ANKRD11: variants seen among roughly 807,000 people sequenced by gnomAD.
The protein encoded by ANKRD11 is ankyrin repeat domain 11.
Under a neutral mutation model 195.7 loss-of-function variants are expected in ANKRD11, and 17 were observed. The observed-to-expected ratio is 0.09, with a 90% CI of 0.06 to 0.13. The LOEUF (loss-of-function observed/expected upper bound fraction) is 0.13, where lower values mean the gene tolerates loss of function less well. Among genes scored for constraint, ANKRD11 ranks in the 10% least tolerant of loss-of-function variants. ANKRD11 has a pLI of 1.00. For missense variants in ANKRD11, 3,735 were observed against 3,566.1 expected (o/e 1.05, Z -1.21); for synonymous variants, 1,953 against 1,528.1 (o/e 1.28, Z -6.49).
Position 89,285,943 on chromosome 16 carries a change from G to A in ANKRD11, c.892+96C>T. 6.3e-7 allele frequency: 1 copy of A among 1,587,964 alleles called. No individual in the cohort carries two copies. The highest frequency in any genetic ancestry group is 8.6e-7 in the Non-Finnish European group (1 of 1,161,392). On this transcript the variant is annotated intron_variant, in intron 8 of 12. Transcript: ENST00000301030. This position sits in a 1 kb window ranked among gnomAD's most constrained non-coding sequence, Gnocchi z 5.6. ...CCTGTAAGCCCCCAGCATCCGAGGAGGAGCTGATCAGAGGGGCAACACTGT... is the reference window on the plus strand; with the variant it reads ...CCTGTAAGCCCCCAGCATCCGAGGAAGAGCTGATCAGAGGGGCAACACTGT...
chr16:89,311,045 G>A (rs1162431459), intron 3 of ANKRD11, among the ~76,000 whole-genome samples: 1 of 152,242 alleles, frequency 6.6e-6, no homozygotes, highest in African/African-American at 2.4e-5. Flanking sequence ...GATGCTCTCT[G>A]TCAGGTTGAG....
rs1254840125 is a variant in ANKRD11, at chr16:89,281,021, C to G, written c.5521G>C (p.Glu1841Gln). Reference sequence around the variant, plus strand: ...CCTGGCGACAAGCAGGCAAACTTCTCCGCGGGAACCGGGGGCAGGGGCGCC... The same window carrying G: ...CCTGGCGACAAGCAGGCAAACTTCTGCGCGGGAACCGGGGGCAGGGGCGCC... ...DRAPLPPVPA[E>Q]KFACLSPGYY... Residue 1841 changes from glutamate to glutamine, a missense_variant, in exon 9 of 13, where the codon GAG (glutamate) becomes CAG (glutamine). Coordinates refer to ENST00000301030, the MANE Select transcript of ANKRD11 (RefSeq NM_013275.6). The surrounding 1 kb of genome is among the most constrained non-coding windows in gnomAD (Gnocchi z 5.5). 2 of 1,591,506 alleles carry G rather than the reference C, an allele frequency of 1.3e-6. No homozygotes were observed. The highest frequency in any genetic ancestry group is 2.7e-5 in the African/African-American group (2 of 74,136).
intron 1 of ANKRD11, among the ~76,000 whole-genome samples, chr16:89,466,154 AC>A (rs2056875898): frequency 3.3e-5 from 5 of 152,168 alleles, no homozygotes; most frequent in Admixed American, 2.6e-4. Flanking sequence ...CACCAGGTAA[AC>A]ACCAGAGCGC....
chr16:89,414,560 G>C (rs1371865558), intron 2 of ANKRD11, among the ~76,000 whole-genome samples: 1 of 152,224 alleles, frequency 6.6e-6, no homozygotes, highest in African/African-American at 2.4e-5. Context: ...TTTTGTTTCT[G>C]TAAAGTGTTA....
At chr16:89,426,473 G>A (rs1158306960) in intron 1 of ANKRD11, among the ~76,000 whole-genome samples, 1 of 149,828 alleles carries the variant, frequency 6.7e-6, no homozygotes, top group African/African-American at 2.5e-5. Flanking sequence ...TCCCTGCGTG[G>A]CTTCACTAAA....
chr16:89,406,428 AG>A (rs1219708157), intron 2 of ANKRD11, among the ~76,000 whole-genome samples: 1 of 152,194 alleles, frequency 6.6e-6, no homozygotes, highest in Non-Finnish European at 1.5e-5. Flanking sequence ...TCAGTCCTAG[AG>A]GAGAAGCAGC....
At chr16:89,301,960 G>A (rs917180534) in intron 4 of ANKRD11, among the ~76,000 whole-genome samples, 5 of 152,260 alleles carry the variant, frequency 3.3e-5, no homozygotes, top group Admixed American at 6.5e-5. Flanking sequence ...CAAGGCATCC[G>A]GCACGGTGGT....
At position 89,288,689 on chromosome 16, in the gene ANKRD11, G is replaced by C; in HGVS notation, c.602-19C>G. ...GTCCAGCCTGGAAACAGACACTCAG[G>C]ACGTACGTTATTTAATCCTCAGAAC... On this transcript the variant is annotated intron_variant, in intron 6 of 12. Transcript: ENST00000301030. The C allele has an allele frequency of 6.2e-7, 1 of 1,613,936 alleles. No homozygotes were observed. Among genetic ancestry groups the C allele is most frequent in the Non-Finnish European group, 8.5e-7 (1 of 1,180,028 alleles).
At chr16:89,456,802 G>A (rs1018171445) in intron 1 of ANKRD11, among the ~76,000 whole-genome samples, 1 of 152,164 alleles carries the variant, frequency 6.6e-6, no homozygotes, top group African/African-American at 2.4e-5. Flanking sequence ...AGTGGCTGAA[G>A]AGCTGCGGAG....
At chr16:89,443,371 C>A (rs1597423532) in intron 1 of ANKRD11, 1 of 152,058 alleles carries the variant, frequency 6.6e-6, no homozygotes, top group African/African-American at 2.4e-5. Flanking sequence ...GAGACGATTA[C>A]CATAGCCCCT....
intron 1 of ANKRD11, among the ~76,000 whole-genome samples, chr16:89,463,080 C>T (rs1195754574): frequency 2.0e-5 from 3 of 151,166 alleles, no homozygotes; most frequent in Admixed American, 2.0e-4. Flanking sequence ...CGGCCAGCCG[C>T]CCCGCCCGGG....
Position 89,279,643 on chromosome 16 carries a change from G to A in ANKRD11, c.6899C>T (p.Ala2300Val), listed in dbSNP as rs903253722. Residue 2300 changes from alanine (A) to valine (V), a missense_variant, in exon 9 of 13, where the codon GCC becomes GTC. Ala to Val is a moderately conservative substitution (Grantham distance 64). Transcript: ENST00000301030. The surrounding 1 kb of genome is among the most constrained non-coding windows in gnomAD (Gnocchi z 5.6). ...PEDDTEASRAAAPAEGPPGGI... is the reference protein window; with the variant it reads ...PEDDTEASRAVAPAEGPPGGI... ...GCCAGGAGGGCCTTCGGCTGGGGCGGCGGCACGGGAGGCCTCAGTGTCGTC... is the reference window on the plus strand; with the variant it reads ...GCCAGGAGGGCCTTCGGCTGGGGCGACGGCACGGGAGGCCTCAGTGTCGTC... 38 of 1,439,954 alleles carry A rather than the reference G, an allele frequency of 2.6e-5. No individual in the cohort carries two copies. The Admixed American group carries it at 3.3e-4, about 13-fold the overall frequency. The allele number at this position is 1,439,954 out of a possible 1,614,324, so 89.2% of individuals were successfully genotyped here.
intron 1 of ANKRD11, among the ~76,000 whole-genome samples, chr16:89,482,892 G>T (rs935821110): frequency 1.3e-5 from 2 of 152,202 alleles, no homozygotes; most frequent in African/African-American, 4.8e-5. Flanking sequence ...CTGGAACACG[G>T]AAAAGACAAG....
rs1334470252 is a variant in ANKRD11 at position 89,279,804 on chromosome 16, T to C, written c.6738A>G (p.Pro2246=). The change falls in exon 9 of 13, where the codon CCA becomes CCG. Residue 2246 remains proline, a synonymous_variant. Transcript: ENST00000301030. This position sits in a 1 kb window ranked among gnomAD's most constrained non-coding sequence, Gnocchi z 5.6. The stretch of plus-strand genomic sequence containing the variant: ...CTCCGCTCCCCAGTGGGCGCTGTTC[T>C]GGGGGAACGGGCGCGGGCTCCACGC... The part of the protein sequence containing the change: ...DSSVEPAPVP[P]EQRPLGSGDQ... The C allele has an allele frequency of 1.4e-5, 21 of 1,541,062 alleles. No homozygotes were observed. The highest frequency in any genetic ancestry group is 1.8e-5 in the Non-Finnish European group (21 of 1,147,188).
At chr16:89,275,043 C>T (rs373574984) in intron 10 of ANKRD11, 50 bp downstream of exon 10, 26 of 1,612,624 alleles carry the variant, frequency 1.6e-5, no homozygotes, top group African/African-American at 1.5e-4. Flanking sequence ...GGGCCTGCGC[C>T]GTGAAAAGCC....
At chr16:89,441,725 C>T (rs1232868908) in intron 1 of ANKRD11, among the ~76,000 whole-genome samples, 1 of 138,970 alleles carries the variant, frequency 7.2e-6, no homozygotes, top group East Asian at 2.2e-4. Context: ...CAAGATCGTG[C>T]CACTGCACTC....
In ANKRD11 at chr16:89,282,292, T is replaced by G. The variant is rs2034321898; in HGVS notation, c.4250A>C (p.Asp1417Ala). ...GGTAGAAAACAATTCAATGGTTTTA[T>G]CTAGCTCATCTTCTATGTCAGCTTT... ...NMKADIEDEL[D>A]KTIELFSTEK... Residue 1417 changes from aspartate (D) to alanine (A), a missense_variant, in exon 9 of 13, where the codon GAT becomes GCT. Physicochemically the swap from Asp to Ala is moderately radical, Grantham distance 126. Transcript: ENST00000301030. 1.2e-5 allele frequency: 20 copies of G among 1,614,228 alleles called. No homozygotes were observed. Among genetic ancestry groups the G allele is most frequent in the Middle Eastern group, 1.6e-4 (1 of 6,062 alleles).
chr16:89,339,083 C>T (rs890326193), intron 2 of ANKRD11, among the ~76,000 whole-genome samples: 2 of 152,096 alleles, frequency 1.3e-5, no homozygotes, highest in African/African-American at 2.4e-5. Flanking sequence ...CCTGGGTAAC[C>T]GCTGATGGGT....
intron 2 of ANKRD11, chr16:89,320,288 T>G (rs1311894316): frequency 1.3e-5 from 2 of 152,264 alleles, no homozygotes; most frequent in Admixed American, 1.3e-4. Context: ...GGGGAGACTC[T>G]TCCCTGGAAG....
Sources: allele counts gnomAD v4.1 joint callset (sites outside exome capture counted in the v4.1 genomes callset), GRCh38; gene constraint gnomAD v4.1.1; non-coding constraint Gnocchi (gnomAD v3.1); transcripts MANE v1.5; gene names NCBI Gene and HGNC (gene_info 2026-07-23, HGNC 2026-07-21).